GANC: variants seen among roughly 807,000 people sequenced by gnomAD.
GANC encodes the protein glucosidase alpha, neutral C, also known as neutral alpha-glucosidase C.
A neutral mutation model predicts 124.2 loss-of-function variants in GANC; 117 were observed. The ratio of observed to expected loss-of-function variants is 0.94; its 90% CI spans 0.81 to 1.10. The LOEUF is 1.10. Ranked by LOEUF, GANC falls within the 50% of genes least tolerant of loss-of-function variation. GANC has a pLI of 0.00. For missense variants in GANC, 1,140 were observed against 1,095.0 expected (o/e 1.04, Z -0.58); for synonymous variants, 377 against 376.8 (o/e 1.00, Z -0.01).
chr15:42,321,577 T>C (rs113603028), intron 10 of GANC, among the ~76,000 whole-genome samples: 27 of 152,342 alleles, frequency 1.8e-4, no homozygotes, highest in African/African-American at 4.3e-4. Context: ...ACCTGGCAAT[T>C]ATACCTCAGG....
intron 6 of GANC, among the ~76,000 whole-genome samples, chr15:42,299,602 C>T (rs920571886): frequency 6.6e-6 from 1 of 152,184 alleles, no homozygotes; most frequent in Non-Finnish European, 1.5e-5. Flanking sequence ...TTAGAAACAA[C>T]TACCTTAAAT....
intron 10 of GANC, among the ~76,000 whole-genome samples, chr15:42,315,309 A>T (rs1350963463): frequency 6.6e-6 from 1 of 152,230 alleles, no homozygotes; most frequent in Non-Finnish European, 1.5e-5. Context: ...AAAGATAAAC[A>T]ACCCAATTCT....
At position 42,352,607 on chromosome 15, in the gene GANC, C is replaced by T. The variant is rs1316062619; in HGVS notation, c.*468C>T. On this transcript the variant is annotated 3_prime_UTR_variant, in exon 24 of 24. Coordinates refer to ENST00000318010, the MANE Select transcript of GANC (RefSeq NM_198141.3). ...ACTCCCCCCAGTTATCTTCCACCCACATGGACTGGGCAGAGCAGCCCTCTT... is the reference window on the plus strand; with the variant it reads ...ACTCCCCCCAGTTATCTTCCACCCATATGGACTGGGCAGAGCAGCCCTCTT... 1 of 1,006,902 alleles carries T rather than the reference C, an allele frequency of 9.9e-7. No individual in the cohort carries two copies. The highest frequency in any genetic ancestry group is 1.7e-5 in the African/African-American group (1 of 58,096). The allele number at this position is 1,006,902 out of a possible 1,614,324, so 62.4% of individuals were successfully genotyped here.
chr15:42,317,961 C>A (rs931548394), intron 10 of GANC, among the ~76,000 whole-genome samples: 3 of 152,198 alleles, frequency 2.0e-5, no homozygotes. Context: ...TATACCATAC[C>A]CTCCTCCGTC....
chr15:42,275,801 C>T (rs2051665703), intron 1 of GANC, among the ~76,000 whole-genome samples: 1 of 152,190 alleles, frequency 6.6e-6, no homozygotes, highest in Non-Finnish European at 1.5e-5. Context: ...ATTCTAGCAC[C>T]TTGCACCTCT....
At chr15:42,347,072 A>G (rs2052371579) in intron 20 of GANC, among the ~76,000 whole-genome samples, 1 of 152,106 alleles carries the variant, frequency 6.6e-6, no homozygotes. Context: ...CCAGGAACAC[A>G]GCAAACTTGT....
intron 10 of GANC, among the ~76,000 whole-genome samples, chr15:42,318,590 T>TTTTG (rs559647977): frequency 3.3e-5 from 5 of 152,128 alleles, no homozygotes; most frequent in African/African-American, 1.2e-4. Flanking sequence ...GATGGAGATC[T>TTTTG]TTTGTTTGTT....
intron 3 of GANC, chr15:42,284,230 A>C (rs1042907297): frequency 8.8e-6 from 5 of 568,406 alleles, no homozygotes; most frequent in Admixed American, 6.4e-5. Flanking sequence ...GCTGTTTGTT[A>C]ATTCTATTAT....
chr15:42,324,291 G>A (rs563497729), intron 11 of GANC, among the ~76,000 whole-genome samples: 3 of 152,192 alleles, frequency 2.0e-5, no homozygotes, highest in South Asian at 2.1e-4. Context: ...ACAAGTGTTG[G>A]CAAGGATGTA....
intron 6 of GANC, among the ~76,000 whole-genome samples, chr15:42,304,223 C>T (rs1276100563): frequency 6.6e-6 from 1 of 152,182 alleles, no homozygotes; most frequent in East Asian, 1.9e-4. Context: ...TGCACAACTA[C>T]ATGGAAACTG....
Position 42,295,838 on chromosome 15 carries a change from C to T in GANC, c.513-1773C>T, listed in dbSNP as rs544379077. On this transcript the variant is annotated intron_variant, in intron 5 of 23. Coordinates refer to ENST00000318010, the MANE Select transcript of GANC (RefSeq NM_198141.3). ...TTTGATGCTCTGTTAGACTCATACA[C>T]GCATTAAAGATTGTTACGTTGAGCT... 5.3e-5 allele frequency among the ~76,000 whole-genome samples: 8 copies of T among 152,140 alleles called. No homozygotes were observed. The South Asian group carries it at 6.2e-4, about 12-fold the overall frequency.
intron 15 of GANC, 145 bp downstream of exon 15, chr15:42,330,817 T>C: frequency 3.4e-6 from 2 of 591,232 alleles, no homozygotes; most frequent in Middle Eastern, 4.4e-4. Flanking sequence ...AAACAGAGTC[T>C]CGCTTTGTCA....
intron 3 of GANC, chr15:42,283,497 C>G: frequency 1.6e-6 from 1 of 623,480 alleles, no homozygotes; most frequent in Non-Finnish European, 2.9e-6. Context: ...GTGAGTCTAG[C>G]TTAAATAGCA....
At chr15:42,332,506 C>T (rs2052253672) in intron 15 of GANC, among the ~76,000 whole-genome samples, 5 of 152,082 alleles carry the variant, frequency 3.3e-5, no homozygotes, top group African/African-American at 4.8e-5. Flanking sequence ...GGAAACACTA[C>T]TTTGTTAAGT....
intron 10 of GANC, among the ~76,000 whole-genome samples, chr15:42,320,747 C>T (rs2052149477): frequency 6.6e-6 from 1 of 152,206 alleles, no homozygotes; most frequent in Admixed American, 6.5e-5. Flanking sequence ...CCACACCTGC[C>T]TCCATTCATA....
At chr15:42,291,288 T>C (rs2051838656) in intron 4 of GANC, among the ~76,000 whole-genome samples, 2 of 152,212 alleles carry the variant, frequency 1.3e-5, no homozygotes, top group Non-Finnish European at 1.5e-5. Flanking sequence ...AGATTTGATA[T>C]GCTAGCTTGG....
rs2141048819 is a variant in GANC at position 42,313,695 on chromosome 15, C to T, written c.1057+2849C>T. 1.6e-5 allele frequency: 3 copies of T among 191,732 alleles called. No homozygotes were observed. In the South Asian group the frequency reaches 3.1e-4, roughly 20 times the overall value. 11.9% of individuals were successfully genotyped at this position (191,732 alleles called of 1,614,324 possible). ...GGGACCCCAGGCTGTAGGGAAAGAG[C>T]TTGCAGGGCTCCTGGATAGAACTGT... On this transcript the variant is annotated intron_variant, in intron 10 of 23. Transcript: ENST00000318010.
At position 42,331,688 on chromosome 15, in the gene GANC, C is replaced by T. The variant is rs535733296; in HGVS notation, c.1741+1016C>T. Among the ~76,000 whole-genome samples the T allele has an allele frequency of 5.9e-5, 9 of 152,180 alleles. No homozygotes were observed. In the East Asian group the frequency reaches 1.7e-3, roughly 29 times the overall value. On this transcript the variant is annotated intron_variant, in intron 15 of 23. Coordinates refer to ENST00000318010, the MANE Select transcript of GANC (RefSeq NM_198141.3). ...CAGAGGTATTCAACACAGTGGTAGT[C>T]CTTGAAACAAAAGTAAGAAAGAAAA...
intron 5 of GANC, among the ~76,000 whole-genome samples, chr15:42,296,320 A>G (rs1449781205): frequency 6.6e-6 from 1 of 152,102 alleles, no homozygotes; most frequent in Non-Finnish European, 1.5e-5. Context: ...TCTTACCTTC[A>G]GAGGTAACCA....
Sources: gnomAD v4.1 joint callset for allele counts (sites outside exome capture counted in the v4.1 genomes callset) on GRCh38, gnomAD v4.1.1 for gene constraint, MANE v1.5 for transcripts, NCBI Gene and HGNC (gene_info 2026-07-23, HGNC 2026-07-21) for gene names.